Variants in TRIM28 observed in about 807,000 individuals in gnomAD.
TRIM28 encodes the protein tripartite motif containing 28.
TRIM28 carries 8 observed loss-of-function variants against 87.4 expected under a neutral mutation model. The observed-to-expected ratio is 0.09, with a 90% CI of 0.05 to 0.17. The LOEUF is 0.17. Among genes scored for constraint, TRIM28 ranks in the 10% least tolerant of loss-of-function variants. The pLI is 1.00. For missense variants in TRIM28, 968 were observed against 1,131.8 expected (o/e 0.86, Z 2.08); for synonymous variants, 601 against 454.3 (o/e 1.32, Z -4.11).
intron 4 of TRIM28, 34 bp downstream of exon 4, chr19:58,547,545 G>T: frequency 6.2e-7 from 1 of 1,613,372 alleles, no homozygotes; most frequent in Non-Finnish European, 8.5e-7. Flanking sequence ...GGGTGGGTGG[G>T]TGCCACCCCT....
At position 58,550,017 on chromosome 19, in the gene TRIM28, C is replaced by T. The variant is rs147474463; in HGVS notation, c.2175C>T (p.Thr725=). 8.4e-5 allele frequency: 136 copies of T among 1,614,050 alleles called. No homozygotes were observed. In the East Asian group the frequency reaches 2.4e-3, roughly 28 times the overall value. Residue 725 remains threonine, a synonymous_variant, in exon 15 of 17, where the codon ACC becomes ACT. Transcript: ENST00000253024. The part of the protein sequence containing the change: ...EPCRPLHQLA[T]DSTFSLDQPG... ...GCCGCCCCCTGCATCAGCTGGCTACCGACTCCACCTTCTCCCTGGTGAGTC... is the reference window on the plus strand; with the variant it reads ...GCCGCCCCCTGCATCAGCTGGCTACTGACTCCACCTTCTCCCTGGTGAGTC...
intron 1 of TRIM28, 21 bp from the exon 2 acceptor site, chr19:58,545,404 C>T (rs1300043051): frequency 2.5e-6 from 4 of 1,588,874 alleles, no homozygotes; most frequent in East Asian, 4.5e-5. Flanking sequence ...TAACAGTCTC[C>T]CACATCCCTG....
chr19:58,545,760 G>C lies in TRIM28; in HGVS notation c.454-4G>C. On this transcript the variant is annotated splice_polypyrimidine_tract_variant and splice_region_variant and intron_variant, in intron 2 of 16. Transcript: ENST00000253024. Reference sequence around the variant, plus strand: ...CCTTCTCTGACCCTGCCTTTGTCTGGCAGTGCTGCACTAGCTGTGAGGATA... The same window carrying C: ...CCTTCTCTGACCCTGCCTTTGTCTGCCAGTGCTGCACTAGCTGTGAGGATA... The C allele has an allele frequency of 6.2e-7, 1 of 1,600,842 alleles. No individual in the cohort carries two copies. Among genetic ancestry groups the C allele is most frequent in the Non-Finnish European group, 8.5e-7 (1 of 1,170,490 alleles).
intron 7 of TRIM28, 52 bp downstream of exon 7, chr19:58,548,232 T>C (rs920596801): frequency 3.7e-6 from 6 of 1,613,314 alleles, no homozygotes; most frequent in African/African-American, 1.3e-5. Context: ...TGGTTCCCAA[T>C]ACCTCAAATC....
chr19:58,548,442 C>T (rs2053780729), intron 8 of TRIM28, 34 bp downstream of exon 8: 1 of 1,613,908 alleles, frequency 6.2e-7, no homozygotes, highest in South Asian at 1.1e-5. Context: ...TCTGTTATTA[C>T]CCCACGTGCT....
chr19:58,549,854 C>G lies in TRIM28; in HGVS notation c.2100C>G (p.Asn700Lys), dbSNP rs1198827714. The stretch of plus-strand genomic sequence containing the variant: ...TGGTGGCCAAGCTCTCACCAGCCAA[C>G]CAGCGGGTGAGGGCTGGGGTTACTT... ...TGVVAKLSPA[N>K]QRKCERVLLA... Residue 700 changes from asparagine (N) to lysine (K), a missense_variant, in exon 14 of 17, where the codon AAC (asparagine) becomes AAG (lysine). This residue lies in a region of TRIM28 where 192 missense variants were observed against 225.6 expected (regional missense o/e 0.85). Transcript: ENST00000253024. This position sits in a 1 kb window ranked among gnomAD's most constrained non-coding sequence, Gnocchi z 4.4. The G allele has an allele frequency of 6.2e-7, 1 of 1,612,428 alleles. No individual in the cohort carries two copies. The highest frequency in any genetic ancestry group is 8.5e-7 in the Non-Finnish European group (1 of 1,178,606).
rs753754392 is a variant in TRIM28 at position 58,548,974 on chromosome 19, T to G, written c.1410-14T>G. 3.1e-6 allele frequency: 5 copies of G among 1,613,996 alleles called. No homozygotes were observed. Among genetic ancestry groups the G allele is most frequent in the Non-Finnish European group, 4.2e-6 (5 of 1,179,976 alleles). On this transcript the variant is annotated splice_polypyrimidine_tract_variant and intron_variant, in intron 11 of 16. Transcript: ENST00000253024. ...GGGTGGGGGTGTACTCATGCCAGGT[T>G]GCTGCATCTACAGGTCCCGCTCAGG...
chr19:58,547,549 C>A (rs1453705556), intron 4 of TRIM28, 38 bp downstream of exon 4: 1 of 1,613,556 alleles, frequency 6.2e-7, no homozygotes, highest in East Asian at 2.2e-5. Context: ...GGGTGGGTGC[C>A]ACCCCTTCCG....
Position 58,548,372 on chromosome 19 carries a change from G to C in TRIM28, c.1180G>C (p.Asp394His). 1 of 1,614,138 alleles carries C rather than the reference G, an allele frequency of 6.2e-7. No individual in the cohort carries two copies. The highest frequency in any genetic ancestry group is 8.5e-7 in the Non-Finnish European group (1 of 1,180,026). Reference protein sequence around the residue: ...EPHGEMKFQWDLNAWTKSAEA... With the variant: ...EPHGEMKFQWHLNAWTKSAEA... Reference sequence around the variant, plus strand: ...ACATGGCGAGATGAAGTTTCAGTGGGACCTCAATGCCTGGACCAAGAGTGC... The same window carrying C: ...ACATGGCGAGATGAAGTTTCAGTGGCACCTCAATGCCTGGACCAAGAGTGC... Residue 394 changes from aspartate (D) to histidine (H), a missense_variant, in exon 8 of 17, where the codon GAC (aspartate) becomes CAC (histidine). This residue lies in a region of TRIM28 where 84 missense variants were observed against 139.9 expected (regional missense o/e 0.60). Transcript: ENST00000253024.
chr19:58,545,511 G>A lies in TRIM28; in HGVS notation c.427G>A (p.Ala143Thr), dbSNP rs1182764740. 2 of 1,585,718 alleles carry A rather than the reference G, an allele frequency of 1.3e-6. No individual in the cohort carries two copies. Residue 143 changes from alanine to threonine, a missense_variant, in exon 2 of 17, where the codon GCC becomes ACC. Ala to Thr is a moderately conservative substitution (Grantham distance 58). Around this residue, in one of 11 missense-constraint regions of TRIM28, gnomAD observed 51 missense variants for 69.3 expected, o/e 0.74. Transcript: ENST00000253024. ...CATGCGTGATAGTGGCAGCAAGGCT[G>A]CCACCGACGCCCAGGATGCGAACCA... ...YFMRDSGSKA[A>T]TDAQDANQCC... is the part of the protein sequence containing the mutation.
rs750656717 is a variant in TRIM28, at chr19:58,550,483, C to G, written c.2438C>G (p.Pro813Arg). 9 of 1,612,926 alleles carry G rather than the reference C, an allele frequency of 5.6e-6. No homozygotes were observed. The Admixed American group carries it at 1.3e-4, about 24-fold the overall frequency. The change falls in exon 17 of 17, where the codon CCG (proline) becomes CGG (arginine). Residue 813 changes from proline (P) to arginine (R), a missense_variant. By Grantham distance (103) the Pro-to-Arg change is moderately radical. Coordinates refer to ENST00000253024, the MANE Select transcript of TRIM28 (RefSeq NM_005762.3). ...TKFSAVLVEP[P>R]PMSLPGAGLS... ...TTCTCTGCTGTGCTGGTGGAGCCCC[C>G]GCCGATGAGCCTGCCTGGTGCTGGC...
rs751976090 is a variant in TRIM28, at chr19:58,550,384, C to T, written c.2339C>T (p.Ala780Val). 1 of 1,613,952 alleles carries T rather than the reference C, an allele frequency of 6.2e-7. No homozygotes were observed. ...KQFNKLTEDK[A>V]DVQSIIGLQR... ...CATTCCTGCTTGGCCCAGGACAAGG[C>T]AGACGTGCAGTCCATCATCGGCCTG... The change falls in exon 17 of 17, where the codon GCA (alanine) becomes GTA (valine). Residue 780 changes from alanine (A) to valine (V), a missense_variant. Ala to Val is a moderately conservative substitution (Grantham distance 64, BLOSUM62 0). Transcript: ENST00000253024.
chr19:58,547,749 G>T (rs754095634), intron 5 of TRIM28, 36 bp downstream of exon 5: 1 of 1,613,954 alleles, frequency 6.2e-7, no homozygotes, highest in Non-Finnish European at 8.5e-7. Flanking sequence ...GGGTGGCCCA[G>T]GGCAGCAAGA....
At position 58,547,912 on chromosome 19, in the gene TRIM28, C is replaced by T; in HGVS notation, c.954+6C>T. 1 of 1,614,076 alleles carries T rather than the reference C, an allele frequency of 6.2e-7. No individual in the cohort carries two copies. The highest frequency in any genetic ancestry group is 1.3e-5 in the African/African-American group (1 of 75,012). On this transcript the variant is annotated splice_donor_region_variant and intron_variant, in intron 6 of 16. Transcript: ENST00000253024. ...TGCTGGTCAATGATGCCCAGGTAAG[C>T]CTTGTGCCGGTGAGAAGGGTCCCTG...
rs766934679 is a variant in TRIM28, at chr19:58,547,894, C to T, written c.942C>T (p.Val314=). ...TGAATAAGCGGGGCCGTGTGCTGGT[C>T]AATGATGCCCAGGTAAGCCTTGTGC... is the stretch of plus-strand genomic sequence containing the variant. ...KELNKRGRVL[V]NDAQKVTEGQ... Residue 314 remains valine (V), a synonymous_variant, in exon 6 of 17, where the codon GTC becomes GTT. Coordinates refer to ENST00000253024, the MANE Select transcript of TRIM28 (RefSeq NM_005762.3). 1.9e-6 allele frequency: 3 copies of T among 1,614,172 alleles called. No individual in the cohort carries two copies. The highest frequency in any genetic ancestry group is 2.7e-5 in the African/African-American group (2 of 75,052).
rs781356106 is a variant in TRIM28 at position 58,549,293 on chromosome 19, C to G, written c.1663-38C>G. ...GTAGGATGAAGCCTGTAGTCCAGGTCTGGACCCTGTTGAACACCCCTCATC... is the reference window on the plus strand; with the variant it reads ...GTAGGATGAAGCCTGTAGTCCAGGTGTGGACCCTGTTGAACACCCCTCATC... On this transcript the variant is annotated intron_variant, in intron 12 of 16. Coordinates refer to ENST00000253024, the MANE Select transcript of TRIM28 (RefSeq NM_005762.3). The surrounding 1 kb of genome is among the most constrained non-coding windows in gnomAD (Gnocchi z 4.4). 6.3e-7 allele frequency: 1 copy of G among 1,585,158 alleles called. No individual in the cohort carries two copies. Among genetic ancestry groups the G allele is most frequent in the Non-Finnish European group, 8.6e-7 (1 of 1,162,374 alleles).
At chr19:58,547,257 C>A in intron 3 of TRIM28, 119 bp from the exon 4 acceptor site, 1 of 1,348,056 alleles carries the variant, frequency 7.4e-7, no homozygotes, top group Non-Finnish European at 1.0e-6. Flanking sequence ...CCCTCTACAT[C>A]TTCCCAATAA....
In TRIM28 at chr19:58,549,380, G is replaced by A. The variant is rs1382758076; in HGVS notation, c.1712G>A (p.Gly571Asp). Reference protein sequence around the residue: ...AIGAPPTATEGPETKPVLMAL... With the variant: ...AIGAPPTATEDPETKPVLMAL... Reference sequence around the variant, plus strand: ...GGAGCCCCTCCTACTGCCACTGAGGGCCCTGAGACCAAACCTGTGCTTATG... The same window carrying A: ...GGAGCCCCTCCTACTGCCACTGAGGACCCTGAGACCAAACCTGTGCTTATG... Residue 571 changes from glycine to aspartate, a missense_variant, in exon 13 of 17, where the codon GGC becomes GAC. Around this residue, in one of 11 missense-constraint regions of TRIM28, gnomAD observed 164 missense variants for 146.2 expected, o/e 1.12. Coordinates refer to ENST00000253024, the MANE Select transcript of TRIM28 (RefSeq NM_005762.3). This position sits in a 1 kb window ranked among gnomAD's most constrained non-coding sequence, Gnocchi z 4.4. The A allele has an allele frequency of 1.9e-6, 3 of 1,576,920 alleles. No individual in the cohort carries two copies. The highest frequency in any genetic ancestry group is 2.6e-6 in the Non-Finnish European group (3 of 1,158,222).
In TRIM28 at chr19:58,547,873, T is replaced by C. The variant is rs771466139; in HGVS notation, c.921T>C (p.Asn307=). The C allele has an allele frequency of 6.2e-7, 1 of 1,614,078 alleles. No homozygotes were observed. Among genetic ancestry groups the C allele is most frequent in the Non-Finnish European group, 8.5e-7 (1 of 1,180,046 alleles). The change falls in exon 6 of 17, where the codon AAT becomes AAC. Residue 307 remains asparagine (N), a synonymous_variant. Transcript: ENST00000253024. The part of the protein sequence containing the change: ...MAILQIMKEL[N]KRGRVLVNDA... ...TCCTGCAGATCATGAAGGAGCTGAA[T>C]AAGCGGGGCCGTGTGCTGGTCAATG...
Sources: gnomAD v4.1 joint callset for allele counts on GRCh38, gnomAD v4.1.1 for gene constraint, gnomAD v4.1.1 regional missense constraint, Gnocchi (gnomAD v3.1) non-coding constraint, MANE v1.5 for transcripts, NCBI Gene and HGNC (gene_info 2026-07-23, HGNC 2026-07-21) for gene names.